RAI14: variants seen among roughly 807,000 people sequenced by gnomAD.
RAI14 encodes the protein ankycorbin.
A neutral mutation model predicts 115.4 loss-of-function variants in RAI14; 45 were observed. The observed-to-expected ratio is 0.39, with a 90% confidence interval of 0.31 to 0.50. RAI14 has a LOEUF of 0.50. Among genes scored for constraint, RAI14 ranks in the 20% least tolerant of loss-of-function variants. The pLI is 0.85. For missense variants in RAI14, 939 were observed against 1,131.2 expected (o/e 0.83, Z 2.44); for synonymous variants, 371 against 415.4 (o/e 0.89, Z 1.30).
intron 3 of RAI14, among the ~76,000 whole-genome samples, chr5:34,762,957 GTGTGTGTGTGTGTGTGTGTA>G (rs1748868641): frequency 2.9e-5 from 4 of 139,806 alleles, no homozygotes; most frequent in African/African-American, 1.0e-4. Flanking sequence ...GTGTGTGTGT[GTGTGTGTGTGTGTGTGTGTA>G]TGTGTCTGTA....
At chr5:34,739,122 C>T (rs1431758049) in intron 2 of RAI14, among the ~76,000 whole-genome samples, 1 of 152,186 alleles carries the variant, frequency 6.6e-6, no homozygotes, top group Non-Finnish European at 1.5e-5. Flanking sequence ...TGGAATTTCC[C>T]ATGGGTCTTT....
intron 13 of RAI14, among the ~76,000 whole-genome samples, chr5:34,819,658 A>G (rs1051303236): frequency 6.6e-6 from 1 of 152,226 alleles, no homozygotes; most frequent in African/African-American, 2.4e-5. Context: ...TAGAAGAGAC[A>G]ATTTCAAAGG....
rs1377690733 is a variant in RAI14, at chr5:34,831,626, C to T, written c.*861C>T. 1 of 152,316 alleles carries T rather than the reference C, an allele frequency of 6.6e-6. No individual in the cohort carries two copies. The highest frequency in any genetic ancestry group is 1.5e-5 in the Non-Finnish European group (1 of 68,010). 9.4% of individuals were successfully genotyped at this position (152,316 alleles called of 1,614,324 possible). On this transcript the variant is annotated 3_prime_UTR_variant, in exon 18 of 18. Coordinates refer to ENST00000265109, the MANE Select transcript of RAI14 (RefSeq NM_015577.3). ...TTTTTCTCTGTAATATTTTTATTGG[C>T]TCATAAAGATGTTTTCATATCTGAA...
At chr5:34,773,124 A>G (rs11953177) in intron 3 of RAI14, among the ~76,000 whole-genome samples, 2,986 of 152,324 alleles carry the variant, frequency 0.02, 103 homozygotes, top group African/African-American at 0.068. Context: ...GTTTTCAAAC[A>G]AACTTTGAAA....
chr5:34,750,288 C>T (rs1000717029), intron 2 of RAI14, among the ~76,000 whole-genome samples: 2 of 152,020 alleles, frequency 1.3e-5, no homozygotes, highest in African/African-American at 4.8e-5. Flanking sequence ...CTTTTCTACA[C>T]CAGGAATTTT....
At chr5:34,658,095 A>G (rs768383217) in intron 1 of RAI14, among the ~76,000 whole-genome samples, 8 of 152,156 alleles carry the variant, frequency 5.3e-5, no homozygotes, top group Non-Finnish European at 1.2e-4. Context: ...TTTCATCTCC[A>G]TTCACTGAGA....
chr5:34,821,832 G>T lies in RAI14; in HGVS notation c.1095G>T (p.Glu365Asp). 1 of 1,575,384 alleles carries T rather than the reference G, an allele frequency of 6.3e-7. No homozygotes were observed. ...KVASLTLHNKELQDKLQAKSP... is the reference protein window; with the variant it reads ...KVASLTLHNKDLQDKLQAKSP... ...CTTCCCTTACCTTACACAATAAGGA[G>T]TTACAAGATAAATTACAGGTATATA... The change falls in exon 14 of 18, where the codon GAG becomes GAT. Residue 365 changes from glutamate (E) to aspartate (D), a missense_variant. Transcript: ENST00000265109.
intron 1 of RAI14, chr5:34,656,917 G>A (rs1742314530): frequency 6.6e-6 from 1 of 152,534 alleles, no homozygotes; most frequent in Non-Finnish European, 1.5e-5. Flanking sequence ...CCCCGCGTCG[G>A]TGCTGCTGAG....
At chr5:34,788,948 G>T (rs148401546) in intron 3 of RAI14, among the ~76,000 whole-genome samples, 1 of 152,184 alleles carries the variant, frequency 6.6e-6, no homozygotes, top group Non-Finnish European at 1.5e-5. Flanking sequence ...TAGCCTGGGC[G>T]ACAGAGTGAG....
chr5:34,756,446 G>A (rs1042206611), intron 2 of RAI14, among the ~76,000 whole-genome samples: 2 of 152,174 alleles, frequency 1.3e-5, no homozygotes, highest in Non-Finnish European at 2.9e-5. Flanking sequence ...CCAGGGTGTG[G>A]TGTCCACAGC....
chr5:34,796,101 A>G (rs1753498027), intron 4 of RAI14, 74 bp downstream of exon 4: 5 of 1,273,998 alleles, frequency 3.9e-6, no homozygotes, highest in Non-Finnish European at 4.5e-6. Context: ...CATATTCATT[A>G]TGGAAAATTT....
chr5:34,800,965 T>G, intron 4 of RAI14, among the ~76,000 whole-genome samples: 1 of 152,196 alleles, frequency 6.6e-6, no homozygotes, highest in Non-Finnish European at 1.5e-5. Flanking sequence ...ACTCAGAATG[T>G]GCTTGTCCAC....
At chr5:34,756,388 A>G (rs913334988) in intron 2 of RAI14, among the ~76,000 whole-genome samples, 1 of 152,222 alleles carries the variant, frequency 6.6e-6, no homozygotes, top group Non-Finnish European at 1.5e-5. Context: ...AGAGGCTGCA[A>G]GGAAGCAGAG....
chr5:34,755,382 A>G (rs1747756798), intron 2 of RAI14, among the ~76,000 whole-genome samples: 1 of 152,204 alleles, frequency 6.6e-6, no homozygotes, highest in Non-Finnish European at 1.5e-5. Flanking sequence ...GAGGAGAGTC[A>G]TCAAGGAGAG....
chr5:34,768,839 A>C (rs992278371), intron 3 of RAI14, among the ~76,000 whole-genome samples: 18 of 152,256 alleles, frequency 1.2e-4, no homozygotes, highest in African/African-American at 4.1e-4. Flanking sequence ...AAATACAAAA[A>C]TTAGCTGGAT....
intron 2 of RAI14, among the ~76,000 whole-genome samples, chr5:34,724,040 G>C (rs969852187): frequency 6.6e-6 from 1 of 152,062 alleles, no homozygotes; most frequent in African/African-American, 2.4e-5. Flanking sequence ...TTTTGAGACG[G>C]AGTTTTCACT....
intron 2 of RAI14, among the ~76,000 whole-genome samples, chr5:34,703,329 A>G (rs938674961): frequency 6.6e-6 from 1 of 152,262 alleles, no homozygotes; most frequent in Non-Finnish European, 1.5e-5. Context: ...AAGGATATTC[A>G]GCATAAAAAA....
rs1236361881 is a variant in RAI14, at chr5:34,797,349, T to C, written c.256+1322T>C. Among the ~76,000 whole-genome samples, 3 of 152,118 alleles carry C rather than the reference T, an allele frequency of 2.0e-5. No individual in the cohort carries two copies. In the East Asian group the frequency reaches 5.8e-4, roughly 29 times the overall value. ...AGGAATGCTATTATTACTCAAAATA[T>C]GGTTGGGAACAGGTTTAGAATTGTT... On this transcript the variant is annotated intron_variant, in intron 4 of 17. Transcript: ENST00000265109.
intron 2 of RAI14, among the ~76,000 whole-genome samples, chr5:34,709,562 C>G (rs1741142562): frequency 1.3e-5 from 2 of 152,144 alleles, no homozygotes; most frequent in African/African-American, 4.8e-5. Flanking sequence ...AGGGTCTGCC[C>G]CTCTCTGTTG....
Sources: allele counts gnomAD v4.1 joint callset (sites outside exome capture counted in the v4.1 genomes callset), GRCh38; gene constraint gnomAD v4.1.1; transcripts MANE v1.5; gene names NCBI Gene and HGNC (gene_info 2026-07-23, HGNC 2026-07-21).